FSTL5: variants seen among roughly 807,000 people sequenced by gnomAD.
The protein encoded by FSTL5 is follistatin like 5.
FSTL5 carries 62 observed loss-of-function variants against 89.1 expected under a neutral mutation model. The observed-to-expected ratio is 0.70, with a 90% confidence interval of 0.57 to 0.86. The LOEUF is 0.86. Among genes scored for constraint, FSTL5 ranks in the 40% least tolerant of loss-of-function variants. The probability of loss-of-function intolerance (pLI) is 0.00; values close to 1 mark genes in which losing one functional copy is unlikely to be tolerated. For missense variants in FSTL5, 1,057 were observed against 1,001.6 expected, an observed-to-expected ratio of 1.06 and a Z score of -0.75; for synonymous variants, 383 against 346.2, an observed-to-expected ratio of 1.11 and a Z score of -1.18.
intron 15 of FSTL5, among the ~76,000 whole-genome samples, chr4:161,414,366 T>C (rs1731702695): frequency 6.6e-6 from 1 of 152,132 alleles, no homozygotes; most frequent in African/African-American, 2.4e-5. Flanking sequence ...AAGACCATAA[T>C]AGTCATTAGG....
At chr4:161,885,573 G>A (rs1016267807) in intron 4 of FSTL5, among the ~76,000 whole-genome samples, 1 of 152,090 alleles carries the variant, frequency 6.6e-6, no homozygotes, top group Non-Finnish European at 1.5e-5. Flanking sequence ...AGCCTCCTGA[G>A]TAGCTGAGAC....
chr4:161,583,802 C>T (rs1265840350), intron 8 of FSTL5, among the ~76,000 whole-genome samples: 2 of 152,210 alleles, frequency 1.3e-5, no homozygotes, highest in East Asian at 1.9e-4. Context: ...TGAGAAAATG[C>T]TTTGAGGTAT....
At chr4:161,870,646 T>C (rs1201656740) in intron 4 of FSTL5, among the ~76,000 whole-genome samples, 1 of 152,174 alleles carries the variant, frequency 6.6e-6, no homozygotes, top group Non-Finnish European at 1.5e-5. Context: ...AATGAGTAAA[T>C]ATCACTTACC....
At chr4:161,895,109 GT>G in intron 4 of FSTL5, among the ~76,000 whole-genome samples, 1 of 152,274 alleles carries the variant, frequency 6.6e-6, no homozygotes, top group South Asian at 2.1e-4. Flanking sequence ...AGAACTGAAT[GT>G]TTGGATAACT....
chr4:161,849,554 C>A (rs1315905666), intron 4 of FSTL5, among the ~76,000 whole-genome samples: 1 of 151,766 alleles, frequency 6.6e-6, no homozygotes, highest in Non-Finnish European at 1.5e-5. Context: ...CACACACACA[C>A]ACACACATAG....
intron 6 of FSTL5, among the ~76,000 whole-genome samples, chr4:161,743,829 G>A (rs1402271453): frequency 6.6e-6 from 1 of 152,158 alleles, no homozygotes; most frequent in African/African-American, 2.4e-5. Context: ...GCTGAGAGAT[G>A]AGTATAATAA....
intron 4 of FSTL5, among the ~76,000 whole-genome samples, chr4:161,777,872 T>A (rs536225248): frequency 6.6e-6 from 1 of 152,162 alleles, no homozygotes; most frequent in South Asian, 2.1e-4. Context: ...GGCAGGGGAA[T>A]CACCTGAGGT....
chr4:161,670,727 C>T (rs1737068898), intron 6 of FSTL5, among the ~76,000 whole-genome samples: 1 of 152,078 alleles, frequency 6.6e-6, no homozygotes, highest in Admixed American at 6.6e-5. Flanking sequence ...ATGTAAAATA[C>T]GGGGAATTGA....
At chr4:162,108,503 G>A (rs1379848256) in intron 2 of FSTL5, among the ~76,000 whole-genome samples, 1 of 151,572 alleles carries the variant, frequency 6.6e-6, no homozygotes, top group Non-Finnish European at 1.5e-5. Context: ...GATCTATTTT[G>A]TATATTATTT....
chr4:161,770,764 TAAAAC>T (rs1362973459), intron 5 of FSTL5, among the ~76,000 whole-genome samples: 1 of 151,850 alleles, frequency 6.6e-6, no homozygotes, highest in Non-Finnish European at 1.5e-5. Context: ...ATTAGCATCT[TAAAAC>T]AAAATATATA....
At chr4:161,777,538 T>G (rs2126805598) in intron 4 of FSTL5, among the ~76,000 whole-genome samples, 1 of 152,300 alleles carries the variant, frequency 6.6e-6, no homozygotes, top group Non-Finnish European at 1.5e-5. Context: ...TTAATAGCAC[T>G]AAGATCATAT....
At chr4:162,137,586 G>A (rs947797212) in intron 1 of FSTL5, among the ~76,000 whole-genome samples, 11 of 152,054 alleles carry the variant, frequency 7.2e-5, no homozygotes, top group African/African-American at 2.7e-4. Context: ...GACTAGTTCA[G>A]TTTGTCACAA....
At chr4:161,623,123 T>A (rs1237306382) in intron 7 of FSTL5, among the ~76,000 whole-genome samples, 1 of 152,076 alleles carries the variant, frequency 6.6e-6, no homozygotes, top group Non-Finnish European at 1.5e-5. Context: ...ATAAACATCT[T>A]TTATCTGCCA....
chr4:161,605,921 A>T (rs1029931087), intron 7 of FSTL5, among the ~76,000 whole-genome samples: 3 of 152,192 alleles, frequency 2.0e-5, no homozygotes, highest in African/African-American at 7.2e-5. Flanking sequence ...TAGCAAATGT[A>T]ATGCAAGCAG....
At chr4:161,543,790 A>G (rs561358187) in intron 8 of FSTL5, among the ~76,000 whole-genome samples, 8 of 152,216 alleles carry the variant, frequency 5.3e-5, no homozygotes, top group African/African-American at 1.7e-4. Flanking sequence ...GTAGGAGCTA[A>G]AACAATAAAC....
chr4:162,009,235 C>T (rs758399966), intron 3 of FSTL5, among the ~76,000 whole-genome samples: 2 of 151,978 alleles, frequency 1.3e-5, no homozygotes, highest in Admixed American at 1.3e-4. Context: ...ACTAGTGCCC[C>T]AGTATAATTG....
chr4:161,505,847 C>T (rs10006427), intron 11 of FSTL5, among the ~76,000 whole-genome samples: 2,577 of 152,010 alleles, frequency 0.017, 67 homozygotes, highest in African/African-American at 0.058. Flanking sequence ...AAAGCTTAGA[C>T]TGATGTAAGT....
At chr4:161,927,230 A>C (rs1473401072) in intron 3 of FSTL5, among the ~76,000 whole-genome samples, 1 of 151,730 alleles carries the variant, frequency 6.6e-6, no homozygotes, top group African/African-American at 2.4e-5. Context: ...CAATGAGAGA[A>C]AAGGCATATG....
intron 3 of FSTL5, among the ~76,000 whole-genome samples, chr4:161,968,845 T>G (rs1476040308): frequency 2.0e-5 from 3 of 151,760 alleles, no homozygotes; most frequent in African/African-American, 7.3e-5. Context: ...TTTTGGACAT[T>G]AAAAGACAGG....
Sources: allele counts gnomAD v4.1 joint callset (sites outside exome capture counted in the v4.1 genomes callset), GRCh38; gene constraint gnomAD v4.1.1; transcripts MANE v1.5; gene names NCBI Gene and HGNC (gene_info 2026-07-23, HGNC 2026-07-21).